Variants in TMEM74 observed in about 807,000 individuals in gnomAD.
The protein encoded by TMEM74 is transmembrane protein 74.
Under a neutral mutation model 18.1 loss-of-function variants are expected in TMEM74, and 13 were observed. The observed-to-expected ratio is 0.72, with a 90% CI of 0.47 to 1.14. The LOEUF (loss-of-function observed/expected upper bound fraction) is 1.14. Ranked by LOEUF, TMEM74 falls within the 50% of genes most tolerant of loss-of-function variation. The pLI is 0.00. For missense variants in TMEM74, 372 were observed against 375.9 expected, an observed-to-expected ratio of 0.99 and a Z score of 0.09; for synonymous variants, 159 against 146.6, an observed-to-expected ratio of 1.08 and a Z score of -0.61.
chr8:108,783,031 C>T lies in TMEM74; in HGVS notation c.*1150G>A, dbSNP rs1814327407. Among the ~76,000 whole-genome samples the T allele has an allele frequency of 6.6e-6, 1 of 152,200 alleles. No homozygotes were observed. Among genetic ancestry groups the T allele is most frequent in the South Asian group, 2.1e-4 (1 of 4,832 alleles). ...CAGTTGCTGAATGACATCTAGACCA[C>T]TGTGAGTGGGAGGTGAGTTCTGACG... On this transcript the variant is annotated 3_prime_UTR_variant, in exon 2 of 2. Transcript: ENST00000297459.
At chr8:108,612,922 C>T (rs1812347313) in intron 2 of TMEM74, among the ~76,000 whole-genome samples, 2 of 152,166 alleles carry the variant, frequency 1.3e-5, no homozygotes, top group African/African-American at 4.8e-5. Flanking sequence ...GTCCAGTCTT[C>T]TGCTTTCTAA....
Position 108,784,013 on chromosome 8 carries a change from T to G in TMEM74, c.*168A>C. The stretch of plus-strand genomic sequence containing the variant: ...GGTTTCTTATACATCTTACATGGCT[T>G]TTCTTCTAAATAGAAGACACATAGA... On this transcript the variant is annotated 3_prime_UTR_variant, in exon 2 of 2. Coordinates refer to ENST00000297459, the MANE Select transcript of TMEM74 (RefSeq NM_153015.3). The G allele has an allele frequency of 1.8e-6, 1 of 559,018 alleles. No individual in the cohort carries two copies. Among genetic ancestry groups the G allele is most frequent in the Non-Finnish European group, 3.0e-6 (1 of 329,820 alleles). 34.6% of individuals were successfully genotyped at this position (559,018 alleles called of 1,614,324 possible). A position where few individuals can be genotyped will look rare whatever the true frequency, so the allele number is the denominator to read the frequency against.
At chr8:108,608,298 CA>C (rs374774953) in intron 3 of TMEM74, among the ~76,000 whole-genome samples, 15,683 of 72,400 alleles carry the variant, frequency 0.22, 853 homozygotes, top group East Asian at 0.48. Context: ...AAGACTCTGT[CA>C]AAAAAAAAAA....
chr8:108,702,193 A>T (rs1813342332), intron 1 of TMEM74, among the ~76,000 whole-genome samples: 1 of 151,844 alleles, frequency 6.6e-6, no homozygotes, highest in African/African-American at 2.4e-5. Flanking sequence ...AAATACAAAA[A>T]ATTAGCCAGG....
chr8:108,651,913 T>C (rs754942335), intron 2 of TMEM74, among the ~76,000 whole-genome samples: 28 of 151,592 alleles, frequency 1.8e-4, no homozygotes, highest in Non-Finnish European at 3.5e-4. Context: ...GACTTCCTTA[T>C]ACACCCAGTG....
chr8:108,699,807 C>G (rs1191932808), intron 1 of TMEM74, among the ~76,000 whole-genome samples: 3 of 152,116 alleles, frequency 2.0e-5, no homozygotes, highest in Non-Finnish European at 4.4e-5. Flanking sequence ...CATTGCTCAC[C>G]TTAGTGAGGT....
intron 1 of TMEM74, among the ~76,000 whole-genome samples, chr8:108,753,276 C>G (rs1237903195): frequency 1.3e-5 from 2 of 151,992 alleles, no homozygotes; most frequent in East Asian, 3.9e-4. Context: ...GTGAACATAG[C>G]TTCATTATCT....
At chr8:108,642,827 A>G in intron 2 of TMEM74, among the ~76,000 whole-genome samples, 1 of 152,192 alleles carries the variant, frequency 6.6e-6, no homozygotes, top group Admixed American at 6.5e-5. Context: ...TCAAAGGCCT[A>G]TTATATCATG....
chr8:108,746,214 G>A (rs549443330), intron 1 of TMEM74, among the ~76,000 whole-genome samples: 3 of 152,150 alleles, frequency 2.0e-5, no homozygotes, highest in Non-Finnish European at 2.9e-5. Flanking sequence ...TAAGAGGGGA[G>A]GCTATTTTGA....
chr8:108,736,958 A>G (rs1425812665), intron 1 of TMEM74, among the ~76,000 whole-genome samples: 1 of 152,174 alleles, frequency 6.6e-6, no homozygotes, highest in Non-Finnish European at 1.5e-5. Flanking sequence ...GCTCCACTAT[A>G]GATGCCTTTT....
intron 1 of TMEM74, among the ~76,000 whole-genome samples, chr8:108,662,365 C>T (rs775247540): frequency 1.4e-4 from 21 of 151,978 alleles, no homozygotes; most frequent in Non-Finnish European, 1.5e-4. Flanking sequence ...TCGAGACATT[C>T]GTTGAAAGAC....
intron 2 of TMEM74, among the ~76,000 whole-genome samples, chr8:108,619,587 A>G (rs1362859322): frequency 1.3e-5 from 2 of 152,194 alleles, no homozygotes; most frequent in Non-Finnish European, 2.9e-5. Flanking sequence ...GCAGTGGTGG[A>G]ACAAATAGTA....
At chr8:108,763,613 T>C (rs1814069454) in intron 1 of TMEM74, among the ~76,000 whole-genome samples, 1 of 152,102 alleles carries the variant, frequency 6.6e-6, no homozygotes, top group Non-Finnish European at 1.5e-5. Context: ...CTGCCCTTCA[T>C]TATGGTGTTT....
Position 108,759,165 on chromosome 8 carries a change from C to T in TMEM74, n.119+28311G>A, listed in dbSNP as rs552294182. On this transcript the variant is annotated intron_variant and non_coding_transcript_variant, in intron 1 of 3. Coordinates refer to the TMEM74 transcript ENST00000518838. ...ATGGAAGTAAAAAGGGGTATGAGAT[C>T]GAAGAGGGGTAAGATAAGCTACAAT... Among the ~76,000 whole-genome samples, 12 of 151,932 alleles carry T rather than the reference C, an allele frequency of 7.9e-5. No individual in the cohort carries two copies. In the South Asian group the frequency reaches 1.9e-3, roughly 24 times the overall value.
rs1412857567 is a variant in TMEM74, at chr8:108,680,692, AG to A, written n.120-25256del. Among the ~76,000 whole-genome samples, 3 of 152,308 alleles carry A rather than the reference AG, an allele frequency of 2.0e-5. No individual in the cohort carries two copies. In the East Asian group the frequency reaches 5.8e-4, roughly 29 times the overall value. On this transcript the variant is annotated intron_variant and non_coding_transcript_variant, in intron 1 of 3. Coordinates refer to the TMEM74 transcript ENST00000518838. ...GCAATTAGGCGGGAGAAGGAAATAA[AG>A]GGTATTCAATTAGGAAAAGAGGAAG...
intron 1 of TMEM74, among the ~76,000 whole-genome samples, chr8:108,761,201 C>G (rs1814040199): frequency 6.6e-6 from 1 of 151,986 alleles, no homozygotes; most frequent in African/African-American, 2.4e-5. Context: ...TGGTTAGAAG[C>G]ATGGTTTCAG....
chr8:108,649,849 T>G (rs1812756058), intron 2 of TMEM74, among the ~76,000 whole-genome samples: 2 of 152,142 alleles, frequency 1.3e-5, no homozygotes, highest in Admixed American at 6.6e-5. Context: ...CTTGGCAATT[T>G]TTTTCACTAA....
intron 1 of TMEM74, among the ~76,000 whole-genome samples, chr8:108,708,809 C>CAAAA (rs71564016): frequency 0.017 from 298 of 17,914 alleles, 22 homozygotes; most frequent in African/African-American, 0.043. Flanking sequence ...AACTCAATAG[C>CAAAA]AAAAAAAAAA....
At chr8:108,776,863 ATAT>A (rs1814240122), downstream of TMEM74, among the ~76,000 whole-genome samples, 1 of 152,154 alleles carries the variant, frequency 6.6e-6, no homozygotes, top group Non-Finnish European at 1.5e-5. Flanking sequence ...AAGTAAAAAA[ATAT>A]TATGTTTTAT....
Sources: gnomAD v4.1 joint callset for allele counts (sites outside exome capture counted in the v4.1 genomes callset) on GRCh38, gnomAD v4.1.1 for gene constraint, MANE v1.5 for transcripts, NCBI Gene and HGNC (gene_info 2026-07-23, HGNC 2026-07-21) for gene names.